Variants in TRPS1 observed in about 807,000 individuals in gnomAD.
TRPS1 encodes the protein transcriptional repressor GATA binding 1, also known as zinc finger transcription factor Trps1.
A neutral mutation model predicts 101.2 loss-of-function variants in TRPS1; 6 were observed. The observed-to-expected ratio is 0.06, with a 90% CI of 0.03 to 0.12. The LOEUF (loss-of-function observed/expected upper bound fraction) is 0.12, where lower values mean the gene tolerates loss of function less well. Among genes scored for constraint, TRPS1 ranks in the 10% least tolerant of loss-of-function variants. The probability of loss-of-function intolerance (pLI) is 1.00; values close to 1 mark genes in which losing one functional copy is unlikely to be tolerated. For missense variants in TRPS1, 1,363 were observed against 1,567.0 expected (o/e 0.87, Z 2.20); for synonymous variants, 578 against 589.8 (o/e 0.98, Z 0.29).
intron 5 of TRPS1, among the ~76,000 whole-genome samples, chr8:115,577,786 A>G (rs1012262315): frequency 6.6e-6 from 1 of 152,206 alleles, no homozygotes; most frequent in Non-Finnish European, 1.5e-5. Flanking sequence ...AGATAATTAA[A>G]TGCCATCTTT....
intron 5 of TRPS1, among the ~76,000 whole-genome samples, chr8:115,582,704 C>T (rs1476205682): frequency 6.6e-6 from 1 of 152,160 alleles, no homozygotes; most frequent in Non-Finnish European, 1.5e-5. Flanking sequence ...GAACTTGGAA[C>T]TCAACTCCCC....
intron 4 of TRPS1, among the ~76,000 whole-genome samples, chr8:115,602,331 T>C (rs1425455328): frequency 6.6e-6 from 1 of 152,166 alleles, no homozygotes; most frequent in East Asian, 1.9e-4. Context: ...ACATGCACAA[T>C]GTGCACATAC....
At chr8:115,667,948 C>G in intron 1 of TRPS1, 3 of 1,530,110 alleles carry the variant, frequency 2.0e-6, no homozygotes, top group Non-Finnish European at 2.6e-6. Context: ...GCGGCGGCGG[C>G]GGCGGCCCCT....
At chr8:115,438,604 C>G (rs185757316) in intron 5 of TRPS1, among the ~76,000 whole-genome samples, 1 of 152,214 alleles carries the variant, frequency 6.6e-6, no homozygotes, top group African/African-American at 2.4e-5. Flanking sequence ...AATCAGAGAG[C>G]ATAAACAACA....
intron 5 of TRPS1, among the ~76,000 whole-genome samples, chr8:115,471,905 C>G (rs899570823): frequency 1.3e-5 from 2 of 152,202 alleles, no homozygotes; most frequent in Admixed American, 6.5e-5. Context: ...GAGGTGGGCT[C>G]CCATGGCCTT....
intron 1 of TRPS1, among the ~76,000 whole-genome samples, chr8:115,627,011 C>T (rs1374798550): frequency 6.6e-6 from 1 of 151,570 alleles, no homozygotes; most frequent in African/African-American, 2.4e-5. Flanking sequence ...AACCACTGTA[C>T]TTTTATAAGA....
chr8:115,488,517 C>T (rs988193033), intron 5 of TRPS1, among the ~76,000 whole-genome samples: 5 of 151,632 alleles, frequency 3.3e-5, no homozygotes, highest in Admixed American at 6.6e-5. Flanking sequence ...GGTGAAACCC[C>T]CCAAAAAATT....
chr8:115,599,779 T>G (rs1817868786), intron 4 of TRPS1, among the ~76,000 whole-genome samples: 1 of 152,190 alleles, frequency 6.6e-6, no homozygotes, highest in Non-Finnish European at 1.5e-5. Flanking sequence ...TTTGCTATTG[T>G]GAACAATGGT....
chr8:115,589,841 G>T (rs1453951300), intron 4 of TRPS1, among the ~76,000 whole-genome samples: 2 of 152,170 alleles, frequency 1.3e-5, no homozygotes, highest in East Asian at 3.9e-4. Context: ...TCTAGGCAGG[G>T]CCTGGTGGCT....
chr8:115,607,122 G>C (rs920880520), intron 3 of TRPS1, among the ~76,000 whole-genome samples: 1 of 152,000 alleles, frequency 6.6e-6, no homozygotes, highest in Non-Finnish European at 1.5e-5. Flanking sequence ...AGCCTCATGT[G>C]CCATGACCAC....
At chr8:115,651,312 C>T (rs1487045792) in intron 1 of TRPS1, among the ~76,000 whole-genome samples, 1 of 152,222 alleles carries the variant, frequency 6.6e-6, no homozygotes, top group African/African-American at 2.4e-5. Flanking sequence ...TGCAAGCACA[C>T]TGCAAAATAC....
At chr8:115,535,165 T>TATATA (rs1816257229) in intron 5 of TRPS1, among the ~76,000 whole-genome samples, 1 of 43,522 alleles carries the variant, frequency 2.3e-5, no homozygotes. Context: ...GTATAGCATA[T>TATATA]GTATTGCATA....
chr8:115,656,854 G>A lies in TRPS1; in HGVS notation c.-122+11691C>T, dbSNP rs147001384. 1.1e-4 allele frequency among the ~76,000 whole-genome samples: 17 copies of A among 152,000 alleles called. No individual in the cohort carries two copies. In the East Asian group the frequency reaches 3.1e-3, roughly 28 times the overall value. Reference sequence around the variant, plus strand: ...TTTGCATTTTACAGGCAATAACAAGGTTTCTGGAATAAGAAAACCCCGAAA... The same window carrying A: ...TTTGCATTTTACAGGCAATAACAAGATTTCTGGAATAAGAAAACCCCGAAA... On this transcript the variant is annotated intron_variant, in intron 1 of 6. Transcript: ENST00000395715.
At position 115,524,961 on chromosome 8, in the gene TRPS1, A is replaced by G. The variant is rs539860749; in HGVS notation, c.2700+62040T>C. The stretch of plus-strand genomic sequence containing the variant: ...TACAAAGATTTTAGTATGGCTGCTA[A>G]TGAAGGAGTCATTAGTTCAAACAAC... On this transcript the variant is annotated intron_variant, in intron 5 of 6. Transcript: ENST00000395715. Among the ~76,000 whole-genome samples the G allele has an allele frequency of 3.9e-5, 6 of 152,316 alleles. No individual in the cohort carries two copies. In the South Asian group the frequency reaches 1.2e-3, roughly 32 times the overall value.
intron 3 of TRPS1, among the ~76,000 whole-genome samples, chr8:115,609,245 T>C (rs1413119637): frequency 6.6e-6 from 1 of 152,144 alleles, no homozygotes; most frequent in Non-Finnish European, 1.5e-5. Context: ...ATAAAATGAA[T>C]CATTCAAGTA....
chr8:115,516,331 A>G (rs1815711119), intron 5 of TRPS1, among the ~76,000 whole-genome samples: 1 of 151,452 alleles, frequency 6.6e-6, no homozygotes, highest in Admixed American at 6.6e-5. Flanking sequence ...TCTACATTTT[A>G]TATTGTTATA....
chr8:115,510,984 A>G (rs545239960), intron 5 of TRPS1: 1 of 151,954 alleles, frequency 6.6e-6, no homozygotes, highest in African/African-American at 2.4e-5. Flanking sequence ...GTCTTATAGT[A>G]GTTTGTTTTA....
intron 5 of TRPS1, among the ~76,000 whole-genome samples, chr8:115,550,139 C>CG (rs1219183070): frequency 1.3e-5 from 2 of 152,072 alleles, no homozygotes; most frequent in African/African-American, 2.4e-5. Context: ...ATTGCTTAAC[C>CG]GGGGGTGGAG....
At chr8:115,520,368 T>A (rs1345167379) in intron 5 of TRPS1, among the ~76,000 whole-genome samples, 2 of 151,758 alleles carry the variant, frequency 1.3e-5, no homozygotes, top group Non-Finnish European at 3.0e-5. Context: ...CTCACCTCAT[T>A]TATCTTTCAG....
Sources: allele counts gnomAD v4.1 joint callset (sites outside exome capture counted in the v4.1 genomes callset), GRCh38; gene constraint gnomAD v4.1.1; transcripts MANE v1.5; gene names NCBI Gene and HGNC (gene_info 2026-07-23, HGNC 2026-07-21).